The following MEGF11 variants were observed in gnomAD, a reference collection of about 807,000 sequenced individuals.
The protein encoded by MEGF11 is multiple EGF like domains 11, also known as multiple epidermal growth factor-like domains protein 11.
A neutral mutation model predicts 146.6 loss-of-function variants in MEGF11; 126 were observed. The observed-to-expected ratio is 0.86, with a 90% CI of 0.74 to 1.00. The LOEUF (loss-of-function observed/expected upper bound fraction) is 1.00. Ranked by LOEUF, MEGF11 falls within the 50% of genes least tolerant of loss-of-function variation. The probability of loss-of-function intolerance (pLI) is 0.00; values close to 1 mark genes in which losing one functional copy is unlikely to be tolerated. For synonymous variants in MEGF11, 532 were observed against 583.4 expected, an observed-to-expected ratio of 0.91 and a Z score of 1.27; for missense variants, 1,509 against 1,521.2, an observed-to-expected ratio of 0.99 and a Z score of 0.13.
chr15:66,000,999 T>C (rs1411323299), intron 5 of MEGF11, among the ~76,000 whole-genome samples: 1 of 152,108 alleles, frequency 6.6e-6, no homozygotes, highest in Non-Finnish European at 1.5e-5. Context: ...AGAAATGGCA[T>C]CACAGGTGTG....
chr15:66,111,056 C>T (rs771609560), intron 4 of MEGF11, among the ~76,000 whole-genome samples: 16 of 152,164 alleles, frequency 1.1e-4, no homozygotes, highest in African/African-American at 2.4e-4. Flanking sequence ...GATTTAAAGT[C>T]GCACTCATCT....
chr15:66,106,842 A>G (rs1567243465), intron 4 of MEGF11, among the ~76,000 whole-genome samples: 1 of 152,190 alleles, frequency 6.6e-6, no homozygotes, highest in African/African-American at 2.4e-5. Context: ...TTCCAGTTCA[A>G]CTAAGACTAG....
At chr15:66,239,511 T>C (rs1009441197) in intron 1 of MEGF11, among the ~76,000 whole-genome samples, 3 of 152,160 alleles carry the variant, frequency 2.0e-5, no homozygotes, top group African/African-American at 7.2e-5. Flanking sequence ...AGACCCTACA[T>C]ATGCGCTTTC....
intron 1 of MEGF11, among the ~76,000 whole-genome samples, chr15:66,175,214 A>G (rs113781351): frequency 0.014 from 2,094 of 152,234 alleles, 44 homozygotes; most frequent in African/African-American, 0.047. Flanking sequence ...ATCTCTAGCT[A>G]GGATTTCTAG....
chr15:66,166,986 C>G (rs905394369), intron 1 of MEGF11, among the ~76,000 whole-genome samples: 22 of 152,186 alleles, frequency 1.4e-4, no homozygotes, highest in African/African-American at 5.1e-4. Context: ...ATCCTTCCTC[C>G]CCTGGACACA....
chr15:66,141,281 TGTGTGTGTGAGAGA>T (rs955814749), intron 1 of MEGF11, among the ~76,000 whole-genome samples: 3 of 97,698 alleles, frequency 3.1e-5, no homozygotes, highest in African/African-American at 1.0e-4. Flanking sequence ...TGTGTGTGTG[TGTGTGTGTGAGAGA>T]GAGAGAGAGA....
At chr15:66,032,753 C>T (rs774717356) in intron 5 of MEGF11, among the ~76,000 whole-genome samples, 5 of 152,178 alleles carry the variant, frequency 3.3e-5, no homozygotes, top group Non-Finnish European at 5.9e-5. Flanking sequence ...CTGCAAAGCA[C>T]GCAGCCTGCT....
chr15:66,165,775 A>G (rs550184201), intron 1 of MEGF11, among the ~76,000 whole-genome samples: 1 of 152,316 alleles, frequency 6.6e-6, no homozygotes, highest in South Asian at 2.1e-4. Flanking sequence ...CAAGAAAGGA[A>G]GTGAAGACCA....
intron 10 of MEGF11, among the ~76,000 whole-genome samples, chr15:65,955,341 G>A (rs2080544397): frequency 1.3e-5 from 2 of 150,786 alleles, no homozygotes; most frequent in African/African-American, 4.9e-5. Context: ...AGATGCCAAA[G>A]AGTTCATTTT....
chr15:65,935,322 GAAAAAAAAAAAAAAAAAAAAAAAA>G (rs71139449), intron 10 of MEGF11, among the ~76,000 whole-genome samples: 29 of 35,204 alleles, frequency 8.2e-4, no homozygotes, highest in African/African-American at 2.3e-3. Context: ...TCCGTCTCAA[GAAAAAAAAAAAAAAAAAAAAAAAA>G]AAAAAAAAAA....
At chr15:66,252,474 T>C (rs12905546) in intron 1 of MEGF11, among the ~76,000 whole-genome samples, 96,184 of 151,878 alleles carry the variant, frequency 0.63, 30,740 homozygotes, top group East Asian at 0.73. Flanking sequence ...ACATGACCAC[T>C]CGGGAGACAG....
intron 4 of MEGF11, among the ~76,000 whole-genome samples, chr15:66,109,885 G>A (rs937067230): frequency 2.0e-5 from 3 of 152,144 alleles, no homozygotes; most frequent in African/African-American, 7.2e-5. Context: ...CAGTACTCAG[G>A]GCTGGACACC....
Position 66,037,127 on chromosome 15 carries a change from C to T in MEGF11, c.395-54639G>A, listed in dbSNP as rs141363060. Among the ~76,000 whole-genome samples the T allele has an allele frequency of 7.6e-3, 1,154 of 152,294 alleles. 18 individuals are homozygous for T. The highest frequency in any genetic ancestry group is 0.026 in the African/African-American group (1,073 of 41,556). On this transcript the variant is annotated intron_variant, in intron 5 of 25. Transcript: ENST00000395614. Reference sequence around the variant, plus strand: ...AGTGGCAGCTCCGAGTGCTTGTTGCCGGTCAGGCCTCAGTGATGCTGGGAG... The same window carrying T: ...AGTGGCAGCTCCGAGTGCTTGTTGCTGGTCAGGCCTCAGTGATGCTGGGAG...
chr15:65,988,833 A>T (rs920290678), intron 5 of MEGF11, among the ~76,000 whole-genome samples: 3 of 151,956 alleles, frequency 2.0e-5, no homozygotes, highest in African/African-American at 7.3e-5. Context: ...CTTTCCCCAC[A>T]TCCACCATCT....
At chr15:66,044,636 T>C (rs150375334) in intron 5 of MEGF11, among the ~76,000 whole-genome samples, 2 of 151,328 alleles carry the variant, frequency 1.3e-5, no homozygotes, top group Non-Finnish European at 2.9e-5. Flanking sequence ...AGTCCAGAAG[T>C]TTGAGACCAG....
intron 5 of MEGF11, among the ~76,000 whole-genome samples, chr15:66,085,091 G>A (rs1021584453): frequency 2.0e-5 from 3 of 152,080 alleles, no homozygotes; most frequent in Non-Finnish European, 2.9e-5. Flanking sequence ...CGACTCAGCA[G>A]AGGCAGCCAT....
chr15:65,955,794 ACACACACACACACACACAC>A (rs2080599877), intron 10 of MEGF11, among the ~76,000 whole-genome samples: 1 of 25,766 alleles, frequency 3.9e-5, no homozygotes, highest in African/African-American at 1.2e-4. Flanking sequence ...ATATATATAT[ACACACACACACACACACAC>A]AATACTTTAA....
chr15:66,025,228 C>T (rs1245309574), intron 5 of MEGF11, among the ~76,000 whole-genome samples: 2 of 152,194 alleles, frequency 1.3e-5, no homozygotes, highest in East Asian at 3.8e-4. Context: ...AAAACACACC[C>T]GCATTCTCCT....
At chr15:66,041,985 A>C (rs1330186215) in intron 5 of MEGF11, among the ~76,000 whole-genome samples, 3 of 152,136 alleles carry the variant, frequency 2.0e-5, no homozygotes, top group Non-Finnish European at 4.4e-5. Flanking sequence ...TTCTGATCAT[A>C]AGGGTTCATG....
Sources: gnomAD v4.1 joint callset for allele counts (sites outside exome capture counted in the v4.1 genomes callset) on GRCh38, gnomAD v4.1.1 for gene constraint, MANE v1.5 for transcripts, NCBI Gene and HGNC (gene_info 2026-07-23, HGNC 2026-07-21) for gene names.